Variants in CRYL1 observed in about 807,000 individuals in gnomAD.
The protein encoded by CRYL1 is crystallin lambda 1, also known as lambda-crystallin homolog.
A neutral mutation model predicts 36.6 loss-of-function variants in CRYL1; 29 were observed. The ratio of observed to expected loss-of-function variants is 0.79; its 90% CI spans 0.59 to 1.08. The LOEUF (loss-of-function observed/expected upper bound fraction) is 1.08, where lower values mean the gene tolerates loss of function less well. CRYL1 is among the 50% of genes least tolerant of loss of function. CRYL1 has a pLI of 0.00. For missense variants in CRYL1, 411 were observed against 407.9 expected, an observed-to-expected ratio of 1.01 and a Z score of -0.06; for synonymous variants, 152 against 151.5, an observed-to-expected ratio of 1.00 and a Z score of -0.02.
chr13:20,477,919 A>G (rs2033198204), intron 3 of CRYL1, among the ~76,000 whole-genome samples: 1 of 146,618 alleles, frequency 6.8e-6, no homozygotes, highest in South Asian at 2.1e-4. Context: ...GTATTATAGT[A>G]TATATTACAG....
At chr13:20,456,119 A>C (rs750185316) in intron 3 of CRYL1, among the ~76,000 whole-genome samples, 38 of 152,212 alleles carry the variant, frequency 2.5e-4, no homozygotes, top group Non-Finnish European at 4.7e-4. Context: ...TACAATTTTA[A>C]ACTATAAATG....
At chr13:20,516,744 T>G (rs1193633580) in intron 1 of CRYL1, among the ~76,000 whole-genome samples, 1 of 151,878 alleles carries the variant, frequency 6.6e-6, no homozygotes, top group Non-Finnish European at 1.5e-5. Flanking sequence ...CCTCCAAAAG[T>G]GCTAGGATTA....
chr13:20,489,291 A>G (rs2033460920), intron 3 of CRYL1, 79 bp downstream of exon 3: 1 of 1,578,838 alleles, frequency 6.3e-7, no homozygotes, highest in African/African-American at 1.3e-5. Flanking sequence ...ACTGCTCTGT[A>G]TCCTGCCCTG....
chr13:20,504,494 T>G (rs1263188216), intron 2 of CRYL1, among the ~76,000 whole-genome samples: 2 of 151,848 alleles, frequency 1.3e-5, no homozygotes, highest in African/African-American at 2.4e-5. Context: ...TTAGTAGAGA[T>G]GGGGTTTTAC....
At chr13:20,464,764 C>T (rs9509235) in intron 3 of CRYL1, among the ~76,000 whole-genome samples, 50,974 of 152,144 alleles carry the variant, frequency 0.34, 10,534 homozygotes, top group East Asian at 0.64. Flanking sequence ...TTGTTCATTG[C>T]ATCTGCCTCA....
intron 5 of CRYL1, chr13:20,426,621 C>G (rs1365506942): frequency 1.1e-6 from 1 of 884,944 alleles, no homozygotes; most frequent in East Asian, 1.2e-4. Flanking sequence ...GAGACACATA[C>G]AGAGCCAGGG....
At chr13:20,433,112 C>A (rs896954386) in intron 4 of CRYL1, among the ~76,000 whole-genome samples, 6 of 152,190 alleles carry the variant, frequency 3.9e-5, no homozygotes, top group African/African-American at 1.4e-4. Context: ...TCTAATGTCA[C>A]CTTCCTGCTC....
At position 20,427,092 on chromosome 13, in the gene CRYL1, T is replaced by C. The variant is rs376736312; in HGVS notation, c.633+5010A>G. ...ATTTACAGGCAACAAACTTAGCTAC[T>C]GTCCAGCCAAAAGTCTATTGTCACA... On this transcript the variant is annotated intron_variant, in intron 5 of 7. Coordinates refer to ENST00000298248, the MANE Select transcript of CRYL1 (RefSeq NM_015974.3). The C allele has an allele frequency of 2.0e-5, 20 of 985,530 alleles. No individual in the cohort carries two copies. The East Asian group carries it at 1.1e-3, about 56-fold the overall frequency. The allele number at this position is 985,530 out of a possible 1,614,324, so 61.0% of individuals were successfully genotyped here. A position where few individuals can be genotyped will look rare whatever the true frequency, so the allele number is the denominator to read the frequency against.
chr13:20,422,167 T>G (rs2031832854), intron 5 of CRYL1, among the ~76,000 whole-genome samples: 1 of 152,086 alleles, frequency 6.6e-6, no homozygotes, highest in Non-Finnish European at 1.5e-5. Context: ...AAGACCAGCT[T>G]GGCCAACATG....
At chr13:20,439,538 A>C (rs1035214746) in intron 4 of CRYL1, 55 bp downstream of exon 4, 2 of 1,380,550 alleles carry the variant, frequency 1.4e-6, no homozygotes, top group Non-Finnish European at 1.9e-6. Flanking sequence ...AAAGAAAAAA[A>C]AAAAACACAG....
At chr13:20,407,478 A>G (rs2031407608) in intron 6 of CRYL1, among the ~76,000 whole-genome samples, 1 of 152,150 alleles carries the variant, frequency 6.6e-6, no homozygotes, top group Admixed American at 6.5e-5. Context: ...GCTTCTCTAC[A>G]CCACGAGAGG....
chr13:20,524,063 C>G (rs1237301910), intron 1 of CRYL1, among the ~76,000 whole-genome samples: 1 of 152,148 alleles, frequency 6.6e-6, no homozygotes, highest in Non-Finnish European at 1.5e-5. Context: ...CCAACCAGGG[C>G]AAGATGGTGA....
At chr13:20,492,310 A>G (rs898006120) in intron 2 of CRYL1, among the ~76,000 whole-genome samples, 14 of 152,246 alleles carry the variant, frequency 9.2e-5, no homozygotes, top group African/African-American at 3.4e-4. Flanking sequence ...CAATTGTATG[A>G]CATGTAAATT....
At chr13:20,504,117 G>C (rs939967055) in intron 2 of CRYL1, among the ~76,000 whole-genome samples, 2 of 152,068 alleles carry the variant, frequency 1.3e-5, no homozygotes, top group Non-Finnish European at 2.9e-5. Context: ...AGTTGGGGTG[G>C]TCACCAAGAT....
At chr13:20,486,315 T>A (rs938586592) in intron 3 of CRYL1, among the ~76,000 whole-genome samples, 6 of 152,216 alleles carry the variant, frequency 3.9e-5, no homozygotes, top group African/African-American at 1.4e-4. Flanking sequence ...TAAGTAATTC[T>A]TCAGGTTGGC....
At chr13:20,519,090 T>A (rs1398579136) in intron 1 of CRYL1, among the ~76,000 whole-genome samples, 2 of 152,142 alleles carry the variant, frequency 1.3e-5, no homozygotes, top group Non-Finnish European at 2.9e-5. Context: ...GGATTTACTG[T>A]AGAGATGTGG....
intron 5 of CRYL1, among the ~76,000 whole-genome samples, chr13:20,424,869 TTG>T (rs1353432931): frequency 5.9e-5 from 9 of 152,108 alleles, no homozygotes; most frequent in Admixed American, 5.9e-4. Flanking sequence ...GCTTCAAATG[TTG>T]TGTCTTAAAA....
chr13:20,516,105 C>T (rs956499667), intron 1 of CRYL1, among the ~76,000 whole-genome samples: 8 of 145,656 alleles, frequency 5.5e-5, no homozygotes, highest in African/African-American at 1.8e-4. Context: ...GCAGGACAAT[C>T]GCTTGAACCG....
At chr13:20,515,589 C>T (rs1186203856) in intron 1 of CRYL1, 4 of 151,678 alleles carry the variant, frequency 2.6e-5, no homozygotes, top group African/African-American at 9.7e-5. Context: ...GAGTCTTAGG[C>T]TTTTAAGAAT....
Sources: gnomAD v4.1 joint callset for allele counts (sites outside exome capture counted in the v4.1 genomes callset) on GRCh38, gnomAD v4.1.1 for gene constraint, MANE v1.5 for transcripts, NCBI Gene and HGNC (gene_info 2026-07-23, HGNC 2026-07-21) for gene names.